STRN3: variants seen among roughly 807,000 people sequenced by gnomAD.
The protein encoded by STRN3 is striatin-3.
Under a neutral mutation model 95.6 loss-of-function variants are expected in STRN3, and 29 were observed. That is an observed-to-expected ratio of 0.30 (90% CI 0.23 to 0.41). The LOEUF (loss-of-function observed/expected upper bound fraction) is 0.41. Among genes scored for constraint, STRN3 ranks in the 10% least tolerant of loss-of-function variants. STRN3 has a pLI of 1.00. For missense variants in STRN3, 890 were observed against 972.1 expected, an observed-to-expected ratio of 0.92 and a Z score of 1.12; for synonymous variants, 331 against 357.6, an observed-to-expected ratio of 0.93 and a Z score of 0.84.
At chr14:30,911,295 C>CTTTTTT (rs11297035) in intron 12 of STRN3, 133 bp from the exon 13 acceptor site, 17 of 453,298 alleles carry the variant, frequency 3.8e-5, no homozygotes, top group African/African-American at 2.2e-4. Context: ...CTGACTGGTA[C>CTTTTTT]TTTTTTTTTT....
Position 30,908,364 on chromosome 14 carries a change from C to T in STRN3, c.1721-1320G>A, listed in dbSNP as rs556183554. Reference sequence around the variant, plus strand: ...CACTACCACACCAAAACAATCCTTGCTAATGATGATCCCTACACTATCAAA... The same window carrying T: ...CACTACCACACCAAAACAATCCTTGTTAATGATGATCCCTACACTATCAAA... On this transcript the variant is annotated intron_variant, in intron 13 of 17. Coordinates refer to ENST00000357479, the MANE Select transcript of STRN3 (RefSeq NM_001083893.2). Among the ~76,000 whole-genome samples the T allele has an allele frequency of 3.3e-5, 5 of 152,246 alleles. No homozygotes were observed. The South Asian group carries it at 1.0e-3, about 32-fold the overall frequency.
intron 10 of STRN3, among the ~76,000 whole-genome samples, chr14:30,913,180 G>C (rs1252901563): frequency 6.6e-6 from 1 of 152,076 alleles, no homozygotes; most frequent in Non-Finnish European, 1.5e-5. Flanking sequence ...TTTTTAAGAA[G>C]TACTCTGAAG....
chr14:30,980,364 A>G (rs77746112), intron 1 of STRN3, among the ~76,000 whole-genome samples: 15,206 of 152,242 alleles, frequency 0.1, 1,007 homozygotes, highest in Non-Finnish European at 0.15. Flanking sequence ...GTAGTGAACT[A>G]AAAAGTTCAA....
chr14:30,947,598 T>C (rs1057444391), intron 4 of STRN3, among the ~76,000 whole-genome samples: 4 of 151,918 alleles, frequency 2.6e-5, no homozygotes, highest in Non-Finnish European at 4.4e-5. Context: ...TTGTTTTTAA[T>C]TTACACACAC....
chr14:30,959,255 G>A (rs1184145359), intron 1 of STRN3, among the ~76,000 whole-genome samples: 1 of 152,110 alleles, frequency 6.6e-6, no homozygotes, highest in African/African-American at 2.4e-5. Flanking sequence ...GAGCGGAGGG[G>A]TCGAGGCTGC....
intron 7 of STRN3, among the ~76,000 whole-genome samples, chr14:30,929,954 C>CAAAAAAAAAAAATAAAAAAAAAAAAAA (rs1555317327): frequency 2.5e-5 from 1 of 39,996 alleles, no homozygotes; most frequent in African/African-American, 1.2e-4. Flanking sequence ...CTAAGATTAG[C>CAAAAAAAAAAAATAAAAAAAAAAAAAA]AAAAAAAAAA....
chr14:30,929,289 A>T lies in STRN3; in HGVS notation c.1011T>A (p.Thr337=), dbSNP rs773916187. The change falls in exon 8 of 18, where the codon ACT becomes ACA. Residue 337 remains threonine (T), a synonymous_variant. Coordinates refer to ENST00000357479, the MANE Select transcript of STRN3 (RefSeq NM_001083893.2). ...CCTGGTCTACATCCCAAACCTCAGC[A>T]GTTGGGGAGAGGTCATCTTTATCTA... ...TEWDKDDLSP[T]AEVWDVDQGL... The T allele has an allele frequency of 6.2e-7, 1 of 1,613,446 alleles. No homozygotes were observed. The highest frequency in any genetic ancestry group is 1.1e-5 in the South Asian group (1 of 91,000).
chr14:31,026,034 G>C lies in STRN3; in HGVS notation c.152C>G (p.Pro51Arg). The C allele has an allele frequency of 6.5e-7, 1 of 1,536,716 alleles. No individual in the cohort carries two copies. Among genetic ancestry groups the C allele is most frequent in the African/African-American group, 1.4e-5 (1 of 71,066 alleles). The part of the protein sequence containing the change: ...GGPPASEGAG[P>R]AAGPELSRPQ... ...CCGGGACAGCTCGGGGCCTGCCGCG[G>C]GACCCGCTCCCTCGGAGGCCGGAGG... The change falls in exon 1 of 18, where the codon CCC (proline) becomes CGC (arginine). Residue 51 changes from proline to arginine, a missense_variant. Coordinates refer to ENST00000357479, the MANE Select transcript of STRN3 (RefSeq NM_001083893.2).
In STRN3 at chr14:30,911,789, A is replaced by G; in HGVS notation, c.1586T>C (p.Phe529Ser). 1 of 1,608,410 alleles carries G rather than the reference A, an allele frequency of 6.2e-7. No individual in the cohort carries two copies. The highest frequency in any genetic ancestry group is 8.5e-7 in the Non-Finnish European group (1 of 1,178,056). ...CAGTAAAACTTACATGTGGGCCCTA[A>G]ATGTGTAGATAGGCTCTACATCTAA... ...ASLDVEPIYTFRAHIGPVLSL... is the reference protein window; with the variant it reads ...ASLDVEPIYTSRAHIGPVLSL... Residue 529 changes from phenylalanine (F) to serine (S), a missense_variant, in exon 12 of 18, where the codon TTT becomes TCT. Around this residue, in one of 3 missense-constraint regions of STRN3, gnomAD observed 357 missense variants for 422.8 expected, o/e 0.84. Coordinates refer to ENST00000357479, the MANE Select transcript of STRN3 (RefSeq NM_001083893.2).
rs1243441979 is a variant in STRN3 at position 30,895,756 on chromosome 14, AAACAT to A, written c.2138-13_2138-9del. 5 of 1,608,664 alleles carry A rather than the reference AAACAT, an allele frequency of 3.1e-6. No individual in the cohort carries two copies. Among genetic ancestry groups the A allele is most frequent in the Non-Finnish European group, 4.2e-6 (5 of 1,178,396 alleles). ...TAGAATGGATCATTTTACCTAAACA[AAACAT>A]AACAGAGAACTGATTAAGTTTTCAC... On this transcript the variant is annotated splice_polypyrimidine_tract_variant and intron_variant, in intron 16 of 17. Transcript: ENST00000357479.
At chr14:30,933,433 G>A (rs1038129998) in intron 7 of STRN3, among the ~76,000 whole-genome samples, 2 of 151,356 alleles carry the variant, frequency 1.3e-5, no homozygotes, top group Non-Finnish European at 2.9e-5. Flanking sequence ...ACATGTATTT[G>A]TAGGTTCTAA....
At chr14:30,933,920 T>C (rs903248910) in intron 7 of STRN3, among the ~76,000 whole-genome samples, 2 of 152,224 alleles carry the variant, frequency 1.3e-5, no homozygotes, top group South Asian at 2.1e-4. Context: ...TTTAAACACA[T>C]AAATGAGGCA....
intron 1 of STRN3, among the ~76,000 whole-genome samples, chr14:30,982,030 G>C (rs1881429180): frequency 6.7e-6 from 1 of 149,152 alleles, no homozygotes; most frequent in East Asian, 2.0e-4. Context: ...CGGGAGGCAG[G>C]GAGGTTGCAG....
At chr14:31,025,817 G>C in intron 1 of STRN3, 87 bp downstream of exon 1, 4 of 1,521,600 alleles carry the variant, frequency 2.6e-6, no homozygotes, top group South Asian at 2.4e-5. Flanking sequence ...CCAAGGCGCC[G>C]GCTCCGGCTG....
At chr14:30,902,700 T>C (rs750999070) in intron 15 of STRN3, 57 bp from the exon 16 acceptor site, 3 of 1,125,020 alleles carry the variant, frequency 2.7e-6, no homozygotes, top group East Asian at 2.4e-5. Context: ...AGAAGTTGGA[T>C]AATGGCCTTT....
At chr14:31,002,521 T>C (rs1447756052) in intron 1 of STRN3, among the ~76,000 whole-genome samples, 1 of 147,350 alleles carries the variant, frequency 6.8e-6, no homozygotes, top group East Asian at 2.0e-4. Flanking sequence ...CGGGCGCCTG[T>C]AATCCCAGCT....
chr14:30,973,360 GAGAGGGAGAGGGGGACAA>G (rs1880930286), intron 1 of STRN3, among the ~76,000 whole-genome samples: 1 of 150,880 alleles, frequency 6.6e-6, no homozygotes, highest in South Asian at 2.1e-4. Flanking sequence ...GAAGGGGACA[GAGAGGGAGAGGGGGACAA>G]AGAGACAGAG....
intron 16 of STRN3, among the ~76,000 whole-genome samples, chr14:30,896,305 G>C (rs1896147374): frequency 6.6e-6 from 1 of 152,132 alleles, no homozygotes; most frequent in African/African-American, 2.4e-5. Flanking sequence ...AATGACAATA[G>C]GATTGCATCA....
In STRN3 at chr14:31,001,515, C is replaced by T. The variant is rs117608624; in HGVS notation, c.282+24389G>A. Among the ~76,000 whole-genome samples, 742 of 151,934 alleles carry T rather than the reference C, an allele frequency of 4.9e-3. 5 individuals are homozygous for T. The highest frequency in any genetic ancestry group is 0.01 in the Middle Eastern group (3 of 294). Reference sequence around the variant, plus strand: ...CCTGCCACTGCTACTGCACTCCAGCCTGGGCAACAGAGTGAGACCCCACCT... The same window carrying T: ...CCTGCCACTGCTACTGCACTCCAGCTTGGGCAACAGAGTGAGACCCCACCT... On this transcript the variant is annotated intron_variant, in intron 1 of 17. Transcript: ENST00000357479.
Sources: gnomAD v4.1 joint callset for allele counts (sites outside exome capture counted in the v4.1 genomes callset) on GRCh38, gnomAD v4.1.1 for gene constraint, gnomAD v4.1.1 regional missense constraint, MANE v1.5 for transcripts, NCBI Gene and HGNC (gene_info 2026-07-23, HGNC 2026-07-21) for gene names.